NELL2: variants seen among roughly 807,000 people sequenced by gnomAD.
The protein encoded by NELL2 is protein kinase C-binding protein NELL2.
Under a neutral mutation model 109.6 loss-of-function variants are expected in NELL2, and 41 were observed. The observed-to-expected ratio is 0.37, with a 90% CI of 0.29 to 0.49. The LOEUF is 0.49. NELL2 is among the 20% of genes least tolerant of loss of function. The probability of loss-of-function intolerance (pLI) is 0.98; values close to 1 mark genes in which losing one functional copy is unlikely to be tolerated. For missense variants in NELL2, 900 were observed against 1,008.3 expected (o/e 0.89, Z 1.45); for synonymous variants, 355 against 344.7 (o/e 1.03, Z -0.33).
intron 9 of NELL2, among the ~76,000 whole-genome samples, chr12:44,751,076 A>T (rs1940629201): frequency 6.6e-6 from 1 of 152,152 alleles, no homozygotes; most frequent in Non-Finnish European, 1.5e-5. Flanking sequence ...TTTCATAAAG[A>T]ATTCATTGAA....
intron 19 of NELL2, among the ~76,000 whole-genome samples, chr12:44,513,763 T>TTTAGTGACCTTTAGGATAATTAAACC (rs1941113963): frequency 6.6e-6 from 1 of 151,802 alleles, no homozygotes; most frequent in African/African-American, 2.4e-5. Context: ...AAAATAGAAC[T>TTTAGTGACCTTTAGGATAATTAAACC]TTAGTGACCT....
intron 2 of NELL2, among the ~76,000 whole-genome samples, chr12:44,872,896 T>C (rs1566573100): frequency 6.6e-6 from 1 of 152,154 alleles, no homozygotes; most frequent in East Asian, 1.9e-4. Flanking sequence ...AGTCTGTATA[T>C]TTTTTTCTCT....
At chr12:44,798,457 A>G (rs374583856) in intron 3 of NELL2, among the ~76,000 whole-genome samples, 1 of 152,118 alleles carries the variant, frequency 6.6e-6, no homozygotes, top group East Asian at 1.9e-4. Context: ...ATGACATCAA[A>G]ATATCAAATA....
chr12:44,779,946 T>C lies in NELL2; in HGVS notation c.412A>G (p.Thr138Ala), dbSNP rs1941892140. The part of the protein sequence containing the change: ...HYRSGSHRPH[T>A]EVFPYILADD... ...GCCAAAATGTAAGGAAACACTTCTG[T>C]GTGAGGGCGGTGACTGCCTGAGCGG... Residue 138 changes from threonine (T) to alanine (A), a missense_variant, in exon 4 of 20, where the codon ACA becomes GCA. Coordinates refer to ENST00000429094, the MANE Select transcript of NELL2 (RefSeq NM_001145108.2). The C allele has an allele frequency of 1.2e-6, 2 of 1,613,846 alleles. No individual in the cohort carries two copies. Among genetic ancestry groups the C allele is most frequent in the Non-Finnish European group, 1.7e-6 (2 of 1,179,836 alleles).
At chr12:44,679,647 T>C (rs1050867931) in intron 12 of NELL2, among the ~76,000 whole-genome samples, 3 of 152,156 alleles carry the variant, frequency 2.0e-5, no homozygotes, top group African/African-American at 7.2e-5. Context: ...AAATCCAGCA[T>C]AGAATCACTA....
intron 15 of NELL2, among the ~76,000 whole-genome samples, chr12:44,548,871 T>C (rs1259763174): frequency 1.3e-5 from 2 of 152,212 alleles, no homozygotes; most frequent in Non-Finnish European, 2.9e-5. Context: ...TAATTTCCTA[T>C]GGAAGTTGAT....
At chr12:44,830,482 G>A (rs1380506244) in intron 2 of NELL2, among the ~76,000 whole-genome samples, 1 of 152,050 alleles carries the variant, frequency 6.6e-6, no homozygotes, top group Non-Finnish European at 1.5e-5. Flanking sequence ...TTTTTTCTAT[G>A]AGTATTTTCA....
chr12:44,838,279 G>A (rs907117541), intron 2 of NELL2, among the ~76,000 whole-genome samples: 2 of 152,256 alleles, frequency 1.3e-5, no homozygotes, highest in East Asian at 1.9e-4. Context: ...GCACAAAAAG[G>A]TGTCTGAAAT....
chr12:44,620,121 G>GTTT (rs147103574), intron 13 of NELL2, among the ~76,000 whole-genome samples: 5 of 134,442 alleles, frequency 3.7e-5, no homozygotes, highest in Non-Finnish European at 4.9e-5. Context: ...CCTGGGTTTT[G>GTTT]TTTTTTTTTT....
At chr12:44,905,696 G>A (rs1190515772) in intron 1 of NELL2, among the ~76,000 whole-genome samples, 1 of 152,024 alleles carries the variant, frequency 6.6e-6, no homozygotes, top group Non-Finnish European at 1.5e-5. Flanking sequence ...CCCGTATCAA[G>A]ATCAGATGTT....
In NELL2 at chr12:44,826,075, T is replaced by C. The variant is rs543695248; in HGVS notation, c.185-9939A>G. On this transcript the variant is annotated intron_variant, in intron 2 of 19. Coordinates refer to ENST00000429094, the MANE Select transcript of NELL2 (RefSeq NM_001145108.2). ...TAAAAGAAAGAAAAAGAAAAGAAAATTTGTGTGTTAGTAGTAAAAGAGAAG... is the reference window on the plus strand; with the variant it reads ...TAAAAGAAAGAAAAAGAAAAGAAAACTTGTGTGTTAGTAGTAAAAGAGAAG... Among the ~76,000 whole-genome samples, 6 of 151,780 alleles carry C rather than the reference T, an allele frequency of 4.0e-5. No homozygotes were observed. The South Asian group carries it at 1.3e-3, about 32-fold the overall frequency.
chr12:44,631,204 G>T (rs1387339416), intron 13 of NELL2, among the ~76,000 whole-genome samples: 1 of 149,120 alleles, frequency 6.7e-6, no homozygotes, highest in African/African-American at 2.4e-5. Flanking sequence ...TAAAGGTGAG[G>T]TGTGGAAATA....
At chr12:44,533,224 T>C (rs971956049) in intron 15 of NELL2, among the ~76,000 whole-genome samples, 14 of 152,132 alleles carry the variant, frequency 9.2e-5, no homozygotes, top group Admixed American at 8.5e-4. Context: ...TGAGTTCCTG[T>C]AGGAGACAAC....
intron 15 of NELL2, among the ~76,000 whole-genome samples, chr12:44,551,130 A>G (rs1255537131): frequency 6.6e-6 from 1 of 152,114 alleles, no homozygotes; most frequent in African/African-American, 2.4e-5. Flanking sequence ...GTATCCCTAA[A>G]CTCATCAAGA....
At chr12:44,645,142 C>A (rs1005325343) in intron 13 of NELL2, among the ~76,000 whole-genome samples, 1 of 151,760 alleles carries the variant, frequency 6.6e-6, no homozygotes, top group Non-Finnish European at 1.5e-5. Flanking sequence ...GAGGTCAATG[C>A]GACTAAATAT....
intron 9 of NELL2, among the ~76,000 whole-genome samples, chr12:44,730,876 T>C (rs1476660291): frequency 6.6e-6 from 1 of 151,886 alleles, no homozygotes; most frequent in East Asian, 1.9e-4. Flanking sequence ...GACAAACCTT[T>C]GGGTAGACTA....
At chr12:44,531,940 C>A (rs151251314) in intron 16 of NELL2, among the ~76,000 whole-genome samples, 4 of 152,134 alleles carry the variant, frequency 2.6e-5, no homozygotes, top group African/African-American at 9.7e-5. Context: ...AAAAATCATG[C>A]CCCTTAAATA....
chr12:44,856,498 G>C (rs1006487413), intron 2 of NELL2, among the ~76,000 whole-genome samples: 2 of 152,176 alleles, frequency 1.3e-5, no homozygotes, highest in Non-Finnish European at 2.9e-5. Flanking sequence ...GTGATCATTA[G>C]AGGCCTCATT....
At chr12:44,775,311 C>T (rs1941714786) in intron 8 of NELL2, among the ~76,000 whole-genome samples, 1 of 146,702 alleles carries the variant, frequency 6.8e-6, no homozygotes, top group African/African-American at 2.8e-5. Context: ...GCATGATATT[C>T]TGTTTTTGAA....
Sources: allele counts gnomAD v4.1 joint callset (sites outside exome capture counted in the v4.1 genomes callset), GRCh38; gene constraint gnomAD v4.1.1; transcripts MANE v1.5; gene names NCBI Gene and HGNC (gene_info 2026-07-23, HGNC 2026-07-21).